The following STARD13 variants were observed in gnomAD, a reference collection of about 807,000 sequenced individuals.
The protein encoded by STARD13 is stAR-related lipid transfer protein 13.
STARD13 carries 62 observed loss-of-function variants against 106.4 expected under a neutral mutation model. That is an observed-to-expected ratio of 0.58 (90% CI 0.48 to 0.72). The LOEUF (loss-of-function observed/expected upper bound fraction) is 0.72, where lower values mean the gene tolerates loss of function less well. STARD13 is among the 30% of genes least tolerant of loss of function. The probability of loss-of-function intolerance (pLI) is 0.00; values close to 1 mark genes in which losing one functional copy is unlikely to be tolerated. For missense variants in STARD13, 1,387 were observed against 1,424.0 expected, an observed-to-expected ratio of 0.97 and a Z score of 0.42; for synonymous variants, 565 against 553.0, an observed-to-expected ratio of 1.02 and a Z score of -0.31.
the STARD13 span, among the ~76,000 whole-genome samples, chr13:33,386,479 G>C: frequency 6.6e-6 from 1 of 152,100 alleles, no homozygotes; most frequent in South Asian, 2.1e-4. Flanking sequence ...AGGGCACATT[G>C]CTGGGGTTCT....
chr13:33,186,557 G>A (rs1022829570), intron 1 of STARD13, among the ~76,000 whole-genome samples: 2 of 152,076 alleles, frequency 1.3e-5, no homozygotes, highest in African/African-American at 2.4e-5. Flanking sequence ...TCCTCGGTAC[G>A]AAAACTATCC....
chr13:33,477,810 G>C, the STARD13 span, among the ~76,000 whole-genome samples: 1 of 152,166 alleles, frequency 6.6e-6, no homozygotes, highest in Non-Finnish European at 1.5e-5. Context: ...TTTATGTTTA[G>C]TTTATTTTGA....
the STARD13 span, among the ~76,000 whole-genome samples, chr13:33,364,867 A>G: frequency 1.3e-5 from 2 of 151,882 alleles, no homozygotes; most frequent in South Asian, 2.1e-4. Context: ...CCAGCCTGGG[A>G]GACAGAGCGA....
chr13:33,621,545 T>C, the STARD13 span, among the ~76,000 whole-genome samples: 8 of 151,344 alleles, frequency 5.3e-5, no homozygotes, highest in Admixed American at 1.3e-4. Flanking sequence ...CCGGGTGTGG[T>C]GGTGGGTGCC....
At chr13:33,134,123 A>G (rs1878726859) in intron 4 of STARD13, among the ~76,000 whole-genome samples, 1 of 152,220 alleles carries the variant, frequency 6.6e-6, no homozygotes. Context: ...CAGCAACACA[A>G]CTGAAAATAG....
chr13:33,673,707 T>C, the STARD13 span, among the ~76,000 whole-genome samples: 1 of 150,562 alleles, frequency 6.6e-6, no homozygotes, highest in East Asian at 2.0e-4. Flanking sequence ...CACACCCAGC[T>C]AATTTTTGTA....
At chr13:33,633,022 T>C in the STARD13 span, among the ~76,000 whole-genome samples, 1 of 152,316 alleles carries the variant, frequency 6.6e-6, no homozygotes, top group Middle Eastern at 3.4e-3. Flanking sequence ...TTTTATTTTG[T>C]TCAATGGACT....
At chr13:33,557,190 C>T in the STARD13 span, among the ~76,000 whole-genome samples, 6 of 152,092 alleles carry the variant, frequency 3.9e-5, no homozygotes, top group African/African-American at 1.2e-4. Flanking sequence ...CACTTCCTCT[C>T]CTTCTAGTCC....
the STARD13 span, among the ~76,000 whole-genome samples, chr13:33,523,709 G>GCAACAA: frequency 1.3e-5 from 2 of 152,000 alleles, no homozygotes; most frequent in Non-Finnish European, 2.9e-5. Context: ...ACCCCAAAAT[G>GCAACAA]CAACAACAAC....
At position 33,250,749 on chromosome 13, in the gene STARD13, C is replaced by G. The variant is rs141549467; in HGVS notation, c.169+34721G>C. The stretch of plus-strand genomic sequence containing the variant: ...AAATATTCTCAGTCTGTCTGTCAAC[C>G]AGTACACTTGCTCTCTTCCTATGAA... On this transcript the variant is annotated intron_variant, in intron 1 of 13. Transcript: ENST00000336934. Among the ~76,000 whole-genome samples, 84 of 152,340 alleles carry G rather than the reference C, an allele frequency of 5.5e-4. No individual in the cohort carries two copies. In the East Asian group the frequency reaches 0.013, roughly 23 times the overall value.
At chr13:33,268,817 T>A (rs1208539336) in intron 1 of STARD13, among the ~76,000 whole-genome samples, 1 of 152,208 alleles carries the variant, frequency 6.6e-6, no homozygotes, top group African/African-American at 2.4e-5. Flanking sequence ...TGTCAGATTA[T>A]TAGCATCAAT....
chr13:33,553,105 G>A, the STARD13 span, among the ~76,000 whole-genome samples: 1 of 151,900 alleles, frequency 6.6e-6, no homozygotes, highest in Non-Finnish European at 1.5e-5. Flanking sequence ...ATTTTGAAAT[G>A]GATAATTCAA....
At chr13:33,107,734 C>A (rs535418121) in intron 12 of STARD13, among the ~76,000 whole-genome samples, 35 of 151,956 alleles carry the variant, frequency 2.3e-4, no homozygotes, top group Non-Finnish European at 4.9e-4. Context: ...GCTCCCTGTT[C>A]CTAGAGCTAT....
the STARD13 span, among the ~76,000 whole-genome samples, chr13:33,634,363 G>A: frequency 6.6e-6 from 1 of 152,308 alleles, no homozygotes; most frequent in Admixed American, 6.5e-5. Flanking sequence ...GGGAGAAGCT[G>A]TTCAGTAAAT....
chr13:33,440,767 A>ATTTT, the STARD13 span, among the ~76,000 whole-genome samples: 6 of 60,100 alleles, frequency 1.0e-4, 1 homozygote, highest in Non-Finnish European at 1.5e-4. Context: ...GAAAACAGCG[A>ATTTT]TTTTTTTTTT....
At chr13:33,296,911 G>T (rs187453744) in intron 1 of STARD13, among the ~76,000 whole-genome samples, 2 of 152,184 alleles carry the variant, frequency 1.3e-5, no homozygotes, top group African/African-American at 4.8e-5. Flanking sequence ...GAGCCACTGC[G>T]CCCGGCCGAG....
intron 3 of STARD13, among the ~76,000 whole-genome samples, chr13:33,149,400 CT>C (rs1291310553): frequency 6.6e-6 from 1 of 152,104 alleles, no homozygotes; most frequent in Non-Finnish European, 1.5e-5. Context: ...AAAATGAAGT[CT>C]TTTTTTATTC....
At chr13:33,613,600 T>A in the STARD13 span, among the ~76,000 whole-genome samples, 1 of 152,158 alleles carries the variant, frequency 6.6e-6, no homozygotes, top group Admixed American at 6.5e-5. Flanking sequence ...CCTTGGTGAA[T>A]GTTGAGTGGA....
chr13:33,207,458 T>C (rs1887484693), intron 1 of STARD13, among the ~76,000 whole-genome samples: 1 of 152,124 alleles, frequency 6.6e-6, no homozygotes, highest in Non-Finnish European at 1.5e-5. Flanking sequence ...GTATAGAGTA[T>C]TGTGAGAAGC....
Sources: allele counts gnomAD v4.1 joint callset (sites outside exome capture counted in the v4.1 genomes callset), GRCh38; gene constraint gnomAD v4.1.1; transcripts MANE v1.5; gene names NCBI Gene and HGNC (gene_info 2026-07-23, HGNC 2026-07-21).